The following SPIDR variants were observed in gnomAD, a reference collection of about 807,000 sequenced individuals.
The protein encoded by SPIDR is scaffold protein involved in DNA repair, also known as DNA repair-scaffolding protein.
In SPIDR, 93 loss-of-function variants were observed where a neutral mutation model predicts 104.6. That is an observed-to-expected ratio of 0.89 (90% CI 0.75 to 1.06). SPIDR has a LOEUF of 1.06. SPIDR is among the 50% of genes least tolerant of loss of function. The probability of loss-of-function intolerance (pLI) is 0.00; values close to 1 mark genes in which losing one functional copy is unlikely to be tolerated. For synonymous variants in SPIDR, 431 were observed against 416.9 expected, an observed-to-expected ratio of 1.03 and a Z score of -0.41; for missense variants, 1,154 against 1,111.2, an observed-to-expected ratio of 1.04 and a Z score of -0.55.
chr8:47,322,203 A>G (rs140490700), intron 5 of SPIDR, among the ~76,000 whole-genome samples: 2,855 of 152,302 alleles, frequency 0.019, 90 homozygotes, highest in African/African-American at 0.065. Flanking sequence ...CATCTGACAA[A>G]GGGCTAATAT....
At chr8:47,409,045 G>C (rs992648358) in intron 7 of SPIDR, among the ~76,000 whole-genome samples, 1 of 152,140 alleles carries the variant, frequency 6.6e-6, no homozygotes, top group East Asian at 1.9e-4. Context: ...AATTAGCTGG[G>C]CGTGGTGGTG....
chr8:47,277,338 ATGT>A (rs2036691004), intron 1 of SPIDR, among the ~76,000 whole-genome samples: 1 of 143,516 alleles, frequency 7.0e-6, no homozygotes, highest in Non-Finnish European at 1.5e-5. Flanking sequence ...ATGTTATGTT[ATGT>A]TATGTTATGT....
At chr8:47,517,123 T>C (rs2154378772) in intron 8 of SPIDR, among the ~76,000 whole-genome samples, 1 of 152,202 alleles carries the variant, frequency 6.6e-6, no homozygotes, top group East Asian at 1.9e-4. Flanking sequence ...TAGCTGGGAT[T>C]ACAGGAACCT....
chr8:47,417,028 T>G (rs371025766), intron 7 of SPIDR, among the ~76,000 whole-genome samples: 4 of 152,174 alleles, frequency 2.6e-5, no homozygotes, highest in East Asian at 1.9e-4. Context: ...GTCTATGATT[T>G]TTGGACATTT....
At chr8:47,280,231 T>A (rs902604296) in intron 2 of SPIDR, among the ~76,000 whole-genome samples, 2 of 151,716 alleles carry the variant, frequency 1.3e-5, no homozygotes, top group Admixed American at 6.6e-5. Context: ...TTTATTTTTT[T>A]TTTATTTTAT....
chr8:47,717,273 C>T, intron 16 of SPIDR, among the ~76,000 whole-genome samples: 1 of 152,182 alleles, frequency 6.6e-6, no homozygotes, highest in East Asian at 1.9e-4. Flanking sequence ...CTGTTCTTCT[C>T]CCACCCCCTC....
At chr8:47,465,775 G>A (rs1554716542) in intron 8 of SPIDR, among the ~76,000 whole-genome samples, 1 of 152,026 alleles carries the variant, frequency 6.6e-6, no homozygotes, top group African/African-American at 2.4e-5. Context: ...TTGTCTTCAA[G>A]AGACCCATCT....
intron 5 of SPIDR, among the ~76,000 whole-genome samples, chr8:47,333,065 C>T (rs1052391698): frequency 6.6e-6 from 1 of 152,044 alleles, no homozygotes; most frequent in Non-Finnish European, 1.5e-5. Context: ...AACTAAGGCA[C>T]AGACACACAC....
intron 1 of SPIDR, 133 bp downstream of exon 1, chr8:47,261,124 C>T (rs1443146101): frequency 1.1e-5 from 12 of 1,044,732 alleles, no homozygotes; most frequent in Non-Finnish European, 1.2e-5. Context: ...TAGGTGGTGG[C>T]GGGTCCCGTC....
At chr8:47,416,637 A>G (rs1473243932) in intron 7 of SPIDR, among the ~76,000 whole-genome samples, 2 of 151,372 alleles carry the variant, frequency 1.3e-5, no homozygotes, top group South Asian at 2.1e-4. Context: ...CTTTTTTTTT[A>G]TACTTTAAGT....
chr8:47,447,453 A>G (rs1341381636), intron 8 of SPIDR, among the ~76,000 whole-genome samples: 17 of 152,072 alleles, frequency 1.1e-4, no homozygotes, highest in African/African-American at 3.6e-4. Flanking sequence ...ACCTCAGGTA[A>G]TCCGCCTGCC....
intron 8 of SPIDR, among the ~76,000 whole-genome samples, chr8:47,561,669 C>T (rs2057095268): frequency 6.6e-6 from 1 of 152,184 alleles, no homozygotes; most frequent in African/African-American, 2.4e-5. Context: ...CCTGCCCCTC[C>T]TGGGATCCTC....
chr8:47,264,116 T>C (rs535148692), intron 1 of SPIDR, among the ~76,000 whole-genome samples: 1 of 152,200 alleles, frequency 6.6e-6, no homozygotes, highest in Admixed American at 6.5e-5. Context: ...TACAGCTGAA[T>C]GATTTTGCAG....
chr8:47,343,815 G>A (rs782319518), intron 5 of SPIDR, among the ~76,000 whole-genome samples: 9 of 152,158 alleles, frequency 5.9e-5, no homozygotes, highest in Middle Eastern at 3.4e-3. Flanking sequence ...TAAGAATACA[G>A]GGAGGATCAG....
At chr8:47,656,004 G>C (rs1365888356) in intron 10 of SPIDR, among the ~76,000 whole-genome samples, 3 of 152,064 alleles carry the variant, frequency 2.0e-5, no homozygotes, top group Non-Finnish European at 4.4e-5. Context: ...GGAATGACTA[G>C]GTATCCACAT....
intron 10 of SPIDR, among the ~76,000 whole-genome samples, chr8:47,611,726 C>T (rs1268462715): frequency 3.3e-5 from 5 of 151,618 alleles, no homozygotes; most frequent in African/African-American, 1.2e-4. Flanking sequence ...AGAATTCAGT[C>T]GATAATGATG....
intron 5 of SPIDR, among the ~76,000 whole-genome samples, chr8:47,344,447 A>G (rs1259163188): frequency 2.6e-5 from 4 of 152,184 alleles, no homozygotes; most frequent in African/African-American, 9.7e-5. Flanking sequence ...ATGTGTCTTT[A>G]TAATAGCATG....
chr8:47,569,707 C>G (rs1016309296), intron 8 of SPIDR, among the ~76,000 whole-genome samples: 4 of 152,220 alleles, frequency 2.6e-5, no homozygotes, highest in Middle Eastern at 3.4e-3. Context: ...GAAATTTTCT[C>G]TATTCACAGA....
chr8:47,405,295 T>A (rs2062582958), intron 6 of SPIDR, among the ~76,000 whole-genome samples: 1 of 147,408 alleles, frequency 6.8e-6, no homozygotes, highest in African/African-American at 2.6e-5. Context: ...ATGGCACGTG[T>A]GTGTGTGTGT....
Sources: gnomAD v4.1 joint callset for allele counts (sites outside exome capture counted in the v4.1 genomes callset) on GRCh38, gnomAD v4.1.1 for gene constraint, MANE v1.5 for transcripts, NCBI Gene and HGNC (gene_info 2026-07-23, HGNC 2026-07-21) for gene names.